KDM1A: variants seen among roughly 807,000 people sequenced by gnomAD.
KDM1A encodes the protein lysine demethylase 1A.
In KDM1A, 49 loss-of-function variants were observed where a neutral mutation model predicts 109.4. The ratio of observed to expected loss-of-function variants is 0.45; its 90% CI spans 0.36 to 0.57. The LOEUF is 0.57. Among genes scored for constraint, KDM1A ranks in the 20% least tolerant of loss-of-function variants. The pLI is 0.00. For missense variants in KDM1A, 668 were observed against 1,116.6 expected (o/e 0.60, Z 5.73); for synonymous variants, 380 against 415.4 (o/e 0.91, Z 1.04).
intron 9 of KDM1A, among the ~76,000 whole-genome samples, chr1:23,064,131 C>T (rs1009740987): frequency 6.6e-6 from 1 of 152,178 alleles, no homozygotes; most frequent in Non-Finnish European, 1.5e-5. Flanking sequence ...TCAAGTGATC[C>T]TCCTGCTTCA....
At position 23,079,195 on chromosome 1, in the gene KDM1A, C is replaced by T; in HGVS notation, c.2055+18C>T. ...TTAACAAGGTAGCTTGCCCTAGACA[C>T]TCCTGTCTACAGATCTGATGTACAA... is the stretch of plus-strand genomic sequence containing the variant. On this transcript the variant is annotated intron_variant, in intron 17 of 20. Transcript: ENST00000400181. The surrounding 1 kb of genome is among the most constrained non-coding windows in gnomAD (Gnocchi z 5.6). 1 of 1,608,414 alleles carries T rather than the reference C, an allele frequency of 6.2e-7. No individual in the cohort carries two copies. The highest frequency in any genetic ancestry group is 8.5e-7 in the Non-Finnish European group (1 of 1,175,768).
chr1:23,029,703 G>A (rs1383089547), intron 1 of KDM1A, among the ~76,000 whole-genome samples: 2 of 151,992 alleles, frequency 1.3e-5, no homozygotes, highest in East Asian at 1.9e-4. Flanking sequence ...GCAGTGGTGC[G>A]ATCTTGGCTC....
At chr1:23,020,831 A>T (rs1057149245) in intron 1 of KDM1A, among the ~76,000 whole-genome samples, 11 of 152,174 alleles carry the variant, frequency 7.2e-5, no homozygotes, top group Non-Finnish European at 1.5e-4. Context: ...TGTAATTCCC[A>T]CATTCATGTT....
intron 18 of KDM1A, 143 bp from the exon 19 acceptor site, chr1:23,081,303 A>G: frequency 1.1e-6 from 1 of 933,054 alleles, no homozygotes; most frequent in East Asian, 2.5e-5. Context: ...TCAGAAACAT[A>G]ATCTGTCTCT....
At chr1:23,049,377 C>T (rs892284711) in intron 3 of KDM1A, among the ~76,000 whole-genome samples, 3 of 151,830 alleles carry the variant, frequency 2.0e-5, no homozygotes, top group South Asian at 2.1e-4. Context: ...TACTTATCCA[C>T]CAATTTATAA....
intron 9 of KDM1A, among the ~76,000 whole-genome samples, chr1:23,061,297 T>C (rs1314007110): frequency 6.6e-6 from 1 of 152,078 alleles, no homozygotes; most frequent in Non-Finnish European, 1.5e-5. Flanking sequence ...AAGAAAGTGG[T>C]GCGTTGATTT....
intron 2 of KDM1A, among the ~76,000 whole-genome samples, chr1:23,037,125 T>TAC (rs1183595010): frequency 4.1e-5 from 5 of 122,698 alleles, no homozygotes; most frequent in Admixed American, 1.6e-4. Flanking sequence ...AAAAAAAATA[T>TAC]ATATACACAC....
At chr1:23,078,959 C>G in intron 16 of KDM1A, 31 bp from the exon 17 acceptor site, 4 of 1,588,074 alleles carry the variant, frequency 2.5e-6, no homozygotes, top group Non-Finnish European at 2.6e-6. Context: ...ATATTCATCA[C>G]CACTAGTCTT....
chr1:23,063,775 T>C (rs998307278), intron 9 of KDM1A, among the ~76,000 whole-genome samples: 19 of 152,244 alleles, frequency 1.2e-4, no homozygotes, highest in African/African-American at 4.6e-4. Context: ...GAGAACTACT[T>C]AGACATGTTG....
Position 23,055,175 on chromosome 1 carries a change from AC to A in KDM1A, c.883+16del. The A allele has an allele frequency of 2.0e-6, 3 of 1,510,502 alleles. No individual in the cohort carries two copies. The South Asian group carries it at 3.5e-5, about 18-fold the overall frequency. The allele number at this position is 1,510,502 out of a possible 1,614,324, so 93.6% of individuals were successfully genotyped here. ...AACCCCTACCAAGTAAGGACCTCCT[AC>A]CTGGCTGATAAATTTTACATTTTTA... On this transcript the variant is annotated intron_variant, in intron 6 of 20. Transcript: ENST00000400181.
At chr1:23,035,617 GA>G (rs960555412) in intron 2 of KDM1A, among the ~76,000 whole-genome samples, 5 of 152,092 alleles carry the variant, frequency 3.3e-5, no homozygotes, top group African/African-American at 1.2e-4. Context: ...ACTGTAGGTT[GA>G]AAATATTTTT....
intron 9 of KDM1A, among the ~76,000 whole-genome samples, chr1:23,063,224 GTGTGTGGGT>G (rs1643062430): frequency 7.7e-5 from 5 of 64,658 alleles, no homozygotes; most frequent in East Asian, 4.8e-4. Flanking sequence ...TGGGGTGGGT[GTGTGTGGGT>G]GTGTGTGTGT....
At chr1:23,033,646 A>C (rs1474127964) in intron 2 of KDM1A, among the ~76,000 whole-genome samples, 4 of 152,256 alleles carry the variant, frequency 2.6e-5, no homozygotes, top group Non-Finnish European at 4.4e-5. Context: ...CTTAACAGGA[A>C]GTAAATATTT....
intron 2 of KDM1A, among the ~76,000 whole-genome samples, chr1:23,040,414 AGAC>A (rs1316318593): frequency 1.3e-5 from 2 of 152,232 alleles, no homozygotes; most frequent in Non-Finnish European, 2.9e-5. Flanking sequence ...AAGGTCTAGA[AGAC>A]AACTGAAAGG....
intron 7 of KDM1A, among the ~76,000 whole-genome samples, chr1:23,057,277 T>C (rs1055240148): frequency 6.6e-6 from 1 of 152,230 alleles, no homozygotes; most frequent in African/African-American, 2.4e-5. Flanking sequence ...CATTTAATTA[T>C]ATGTCATTTG....
Position 23,079,639 on chromosome 1 carries a change from GCTCTTC to G in KDM1A, c.2149_2154del (p.Leu717_Phe718del). 1.2e-6 allele frequency: 2 copies of G among 1,613,018 alleles called. No homozygotes were observed. The highest frequency in any genetic ancestry group is 1.7e-6 in the Non-Finnish European group (2 of 1,179,238). ...GCAGTACGACTGCCAGCAGGGGTGA[GCTCTTC>G]CTCTTCTGGAACCTCTATAAAGGTA... On this transcript the variant is annotated inframe_deletion, in exon 18 of 21. Coordinates refer to ENST00000400181, the MANE Select transcript of KDM1A (RefSeq NM_001009999.3). This position sits in a 1 kb window ranked among gnomAD's most constrained non-coding sequence, Gnocchi z 5.6.
At chr1:23,024,869 A>G (rs900741614) in intron 1 of KDM1A, among the ~76,000 whole-genome samples, 20 of 152,252 alleles carry the variant, frequency 1.3e-4, no homozygotes, top group Non-Finnish European at 2.5e-4. Context: ...TGTTTGGCGT[A>G]TAATTAGTAG....
At chr1:23,038,281 T>TGC (rs1272713081) in intron 2 of KDM1A, among the ~76,000 whole-genome samples, 1 of 151,614 alleles carries the variant, frequency 6.6e-6, no homozygotes, top group Non-Finnish European at 1.5e-5. Context: ...TGTGTGTGTG[T>TGC]GTGTGTGTGT....
chr1:23,082,440 T>C, intron 20 of KDM1A, 74 bp downstream of exon 20: 2 of 1,458,610 alleles, frequency 1.4e-6, no homozygotes, highest in Non-Finnish European at 1.8e-6. Flanking sequence ...ATTTTTTTTT[T>C]TTTTTTCAGA....
Sources: allele counts gnomAD v4.1 joint callset (sites outside exome capture counted in the v4.1 genomes callset), GRCh38; gene constraint gnomAD v4.1.1; non-coding constraint Gnocchi (gnomAD v3.1); transcripts MANE v1.5; gene names NCBI Gene and HGNC (gene_info 2026-07-23, HGNC 2026-07-21).